MYOM2: variants seen among roughly 807,000 people sequenced by gnomAD.
The protein encoded by MYOM2 is myomesin 2.
MYOM2 carries 254 observed loss-of-function variants against 187.6 expected under a neutral mutation model. The ratio of observed to expected loss-of-function variants is 1.35; its 90% CI spans 1.22 to 1.50. The LOEUF is 1.50. MYOM2 is among the 40% of genes most tolerant of loss of function. MYOM2 has a pLI of 0.00. For missense variants in MYOM2, 2,796 were observed against 1,924.0 expected (o/e 1.45, Z -8.48); for synonymous variants, 981 against 753.8 (o/e 1.30, Z -4.94).
In MYOM2 at chr8:2,094,088, C is replaced by G. The variant is rs1159907792; in HGVS notation, c.2122C>G (p.Leu708Val). The change falls in exon 17 of 37, where the codon CTC becomes GTC. Residue 708 changes from leucine to valine, a missense_variant. Leu to Val is a conservative substitution (Grantham distance 32). Transcript: ENST00000262113. ...ESDVIKVQAA[L>V]TVPSHPYGIT... ...AGACGTCATAAAAGTGCAGGCCGCA[C>G]TCAGTAAGTCACTCACAGGCTGTTG... 15 of 1,614,110 alleles carry G rather than the reference C, an allele frequency of 9.3e-6. No individual in the cohort carries two copies. The highest frequency in any genetic ancestry group is 1.1e-5 in the Non-Finnish European group (13 of 1,180,022).
intron 1 of MYOM2, among the ~76,000 whole-genome samples, chr8:2,046,751 C>T (rs113807972): frequency 1.3e-4 from 18 of 139,518 alleles, no homozygotes; most frequent in East Asian, 2.1e-4. Context: ...TTTCTTTTTT[C>T]TTTTTTTTTT....
rs1033024109 is a variant in MYOM2 at position 2,085,484 on chromosome 8, C to T, written c.1644+94C>T. ...TGGCCCACCGCTGTCGTGATCTCCGCGTGGCCCCTCACTGTTGTGATCTCC... is the reference window on the plus strand; with the variant it reads ...TGGCCCACCGCTGTCGTGATCTCCGTGTGGCCCCTCACTGTTGTGATCTCC... On this transcript the variant is annotated intron_variant, in intron 14 of 36. Transcript: ENST00000262113. The T allele has an allele frequency of 4.7e-4, 665 of 1,406,748 alleles. 44 individuals are homozygous for T. The highest frequency in any genetic ancestry group is 1.7e-3 in the African/African-American group (114 of 66,292). 87.1% of individuals were successfully genotyped at this position (1,406,748 alleles called of 1,614,324 possible). A position where few individuals can be genotyped will look rare whatever the true frequency, so the allele number is the denominator to read the frequency against.
chr8:2,055,677 G>T (rs566062689), intron 3 of MYOM2, among the ~76,000 whole-genome samples: 38 of 152,278 alleles, frequency 2.5e-4, no homozygotes, highest in Admixed American at 7.2e-4. Context: ...CCTAACACCA[G>T]GCCTTAGTCT....
intron 15 of MYOM2, among the ~76,000 whole-genome samples, chr8:2,091,434 G>T (rs1218948322): frequency 6.6e-6 from 1 of 152,144 alleles, no homozygotes; most frequent in Non-Finnish European, 1.5e-5. Flanking sequence ...GCAATCCCTG[G>T]AGTCATAACT....
At chr8:2,094,918 G>A (rs1230543272) in intron 17 of MYOM2, among the ~76,000 whole-genome samples, 4 of 152,094 alleles carry the variant, frequency 2.6e-5, no homozygotes, top group Admixed American at 6.5e-5. Context: ...CTGCAGCCTC[G>A]TGGCTTTCTG....
chr8:2,142,747 C>T (rs529919254), intron 35 of MYOM2, among the ~76,000 whole-genome samples: 1 of 105,790 alleles, frequency 9.5e-6, no homozygotes, highest in African/African-American at 3.6e-5. Context: ...CCTTCCTCCC[C>T]TCCCTCCCTT....
intron 18 of MYOM2, chr8:2,097,080 T>C (rs1268481478): frequency 1.0e-6 from 1 of 974,700 alleles, no homozygotes; most frequent in African/African-American, 1.8e-5. Flanking sequence ...GTCCGGACTG[T>C]GGGGAGCCAC....
chr8:2,115,891 A>G, intron 25 of MYOM2, 69 bp from the exon 26 acceptor site: 1 of 1,527,944 alleles, frequency 6.5e-7, no homozygotes, highest in Non-Finnish European at 8.9e-7. Context: ...TGCAATTGTT[A>G]AATGTTGCAA....
At chr8:2,083,026 A>C (rs1168602837) in intron 13 of MYOM2, among the ~76,000 whole-genome samples, 1 of 152,200 alleles carries the variant, frequency 6.6e-6, no homozygotes, top group Non-Finnish European at 1.5e-5. Context: ...TATGAGATCA[A>C]TTTCTGGATT....
chr8:2,078,603 C>A, intron 11 of MYOM2, 131 bp from the exon 12 acceptor site: 1 of 771,834 alleles, frequency 1.3e-6, no homozygotes, highest in Non-Finnish European at 2.1e-6. Context: ...AATATCTTAG[C>A]AGCAAAGATT....
intron 32 of MYOM2, among the ~76,000 whole-genome samples, chr8:2,131,539 A>T (rs1323146341): frequency 1.3e-5 from 2 of 152,052 alleles, no homozygotes; most frequent in African/African-American, 4.8e-5. Context: ...ACAAAAAGAG[A>T]AGGAGGTGTT....
intron 24 of MYOM2, 47 bp from the exon 25 acceptor site, chr8:2,109,348 A>C (rs1796991954): frequency 3.2e-6 from 5 of 1,541,230 alleles, no homozygotes; most frequent in Non-Finnish European, 4.4e-6. Context: ...ATTCTTCCTC[A>C]CAAGGATTCA....
rs559988980 is a variant in MYOM2 at position 2,077,977 on chromosome 8, G to C, written c.1263-757G>C. 3.9e-5 allele frequency among the ~76,000 whole-genome samples: 6 copies of C among 152,316 alleles called. No individual in the cohort carries two copies. In the South Asian group the frequency reaches 1.2e-3, roughly 32 times the overall value. ...TTCATTAAAAGTGCTGGATACTTAG[G>C]AGGAGAGCTGGTTCTTTCCCAGATG... On this transcript the variant is annotated intron_variant, in intron 11 of 36. Coordinates refer to ENST00000262113, the MANE Select transcript of MYOM2 (RefSeq NM_003970.4).
chr8:2,091,174 TTTG>T (rs1304591053), intron 15 of MYOM2, among the ~76,000 whole-genome samples: 1 of 152,132 alleles, frequency 6.6e-6, no homozygotes, highest in Non-Finnish European at 1.5e-5. Context: ...ACTAGACTTT[TTTG>T]TTGTTGTCTT....
rs370863967 is a variant in MYOM2, at chr8:2,106,267, C to G, written c.2760C>G (p.Val920=). The G allele has an allele frequency of 3.7e-6, 6 of 1,613,978 alleles. No homozygotes were observed. The highest frequency in any genetic ancestry group is 1.3e-5 in the African/African-American group (1 of 74,886). The part of the protein sequence containing the change: ...RPGTKEISAG[V]DEQGNIYLGF... The stretch of plus-strand genomic sequence containing the variant: ...GCACCAAGGAAATCAGTGCTGGTGT[C>G]GATGAACAAGGCAACATCTATCTGG... The change falls in exon 22 of 37, where the codon GTC becomes GTG. Residue 920 remains valine, a synonymous_variant. Transcript: ENST00000262113.
chr8:2,101,114 G>A, intron 20 of MYOM2, 60 bp downstream of exon 20: 1 of 1,566,810 alleles, frequency 6.4e-7, no homozygotes, highest in Non-Finnish European at 8.7e-7. Flanking sequence ...GGGAGGTAAA[G>A]GCGGGCCAAT....
chr8:2,100,793 A>T, intron 19 of MYOM2, 83 bp from the exon 20 acceptor site: 1 of 1,370,490 alleles, frequency 7.3e-7, no homozygotes, highest in South Asian at 1.3e-5. Flanking sequence ...CCAGAGGAGC[A>T]GTGGGTCCCC....
At chr8:2,142,493 T>C in intron 35 of MYOM2, 96 bp downstream of exon 35, 1 of 1,230,406 alleles carries the variant, frequency 8.1e-7, no homozygotes, top group Non-Finnish European at 1.2e-6. Context: ...TATTAAATAA[T>C]AACCAGCAAT....
intron 34 of MYOM2, among the ~76,000 whole-genome samples, chr8:2,141,901 C>T (rs971406310): frequency 1.3e-5 from 2 of 152,136 alleles, no homozygotes; most frequent in Admixed American, 1.3e-4. Context: ...AAGGACAATT[C>T]GGGGTTTTCA....
Sources: allele counts gnomAD v4.1 joint callset (sites outside exome capture counted in the v4.1 genomes callset), GRCh38; gene constraint gnomAD v4.1.1; transcripts MANE v1.5; gene names NCBI Gene and HGNC (gene_info 2026-07-23, HGNC 2026-07-21).